Variants in NOTCH1 observed in about 807,000 individuals in gnomAD.
NOTCH1 encodes the protein notch receptor 1.
Under a neutral mutation model 254.8 loss-of-function variants are expected in NOTCH1, and 37 were observed. The ratio of observed to expected loss-of-function variants is 0.15; its 90% CI spans 0.11 to 0.19. The LOEUF is 0.19. Ranked by LOEUF, NOTCH1 falls within the 10% of genes least tolerant of loss-of-function variation. NOTCH1 has a pLI of 1.00. For missense variants in NOTCH1, 2,972 were observed against 3,708.6 expected, an observed-to-expected ratio of 0.80 and a Z score of 5.16; for synonymous variants, 1,731 against 1,618.1, an observed-to-expected ratio of 1.07 and a Z score of -1.68.
In NOTCH1 at chr9:136,496,803, G is replaced by T; in HGVS notation, c.6936C>A (p.Ser2312=). The change falls in exon 34 of 34, where the codon TCC becomes TCA. Residue 2312 remains serine (S), a synonymous_variant. Coordinates refer to ENST00000651671, the MANE Select transcript of NOTCH1 (RefSeq NM_017617.5). The part of the protein sequence containing the change: ...TSLNGQCEWL[S]RLQSGMVPNQ... ...TCGGCACCATGCCGCTCTGCAGCCG[G>T]GACAGCCACTCGCATTGACCATTCA... The T allele has an allele frequency of 6.2e-7, 1 of 1,612,926 alleles. No individual in the cohort carries two copies. The highest frequency in any genetic ancestry group is 1.1e-5 in the South Asian group (1 of 91,090).
chr9:136,513,189 G>A lies in NOTCH1; in HGVS notation c.2354-55C>T. ...TCCAGCACTCCCAGGCACCTTGGCA[G>A]GGCCCCACAACAGCAGCCCTGGGCC... On this transcript the variant is annotated intron_variant, in intron 14 of 33. Coordinates refer to ENST00000651671, the MANE Select transcript of NOTCH1 (RefSeq NM_017617.5). The surrounding 1 kb of genome is among the most constrained non-coding windows in gnomAD (Gnocchi z 4.7). The A allele has an allele frequency of 6.6e-7, 1 of 1,519,646 alleles. No individual in the cohort carries two copies. The highest frequency in any genetic ancestry group is 1.7e-5 in the Admixed American group (1 of 59,656). 94.1% of individuals were successfully genotyped at this position (1,519,646 alleles called of 1,614,324 possible).
Position 136,495,327 on chromosome 9 carries a change from A to G in NOTCH1, c.*744T>C, listed in dbSNP as rs1017946364. On this transcript the variant is annotated 3_prime_UTR_variant, in exon 34 of 34. Coordinates refer to ENST00000651671, the MANE Select transcript of NOTCH1 (RefSeq NM_017617.5). The stretch of plus-strand genomic sequence containing the variant: ...ACTTGTATAACCAACGAACAACTAC[A>G]TAATACTGAACCTGAAACAAAGATT... The G allele has an allele frequency of 2.5e-6, 1 of 398,942 alleles. No homozygotes were observed. The highest frequency in any genetic ancestry group is 4.4e-6 in the Non-Finnish European group (1 of 226,092). The allele number at this position is 398,942 out of a possible 1,614,324, so 24.7% of individuals were successfully genotyped here.
chr9:136,538,137 C>CATCA (rs1438729901), intron 2 of NOTCH1, among the ~76,000 whole-genome samples: 1 of 152,164 alleles, frequency 6.6e-6, no homozygotes, highest in Non-Finnish European at 1.5e-5. Flanking sequence ...ACCCAGAATC[C>CATCA]CTCCATATAC....
In NOTCH1 at chr9:136,508,925, C is replaced by A. The variant is rs780991695; in HGVS notation, c.3116G>T (p.Gly1039Val). The change falls in exon 19 of 34, where the codon GGC becomes GTC. Residue 1039 changes from glycine (G) to valine (V), a missense_variant. Transcript: ENST00000651671. Reference protein sequence around the residue: ...PCLHGGTCQDGCGSYRCTCPQ... With the variant: ...PCLHGGTCQDVCGSYRCTCPQ... ...GCAGGTGCACCTGTAGGAGCCGCAG[C>A]CGTCCTGACAGGTGCCGCCATGCAG... The A allele has an allele frequency of 1.3e-6, 2 of 1,549,456 alleles. No individual in the cohort carries two copies. Among genetic ancestry groups the A allele is most frequent in the South Asian group, 2.4e-5 (2 of 84,036 alleles).
At chr9:136,511,299 G>A (rs370777092) in intron 15 of NOTCH1, 28 bp from the exon 16 acceptor site, 20 of 1,595,542 alleles carry the variant, frequency 1.3e-5, no homozygotes, top group African/African-American at 8.0e-5. Flanking sequence ...ACGTGACCCC[G>A]GGAGCCTCAC....
At chr9:136,518,413 C>T in intron 6 of NOTCH1, 121 bp from the exon 7 acceptor site, 1 of 1,355,306 alleles carries the variant, frequency 7.4e-7, no homozygotes, top group Non-Finnish European at 1.0e-6. Context: ...CCCCGTCGGG[C>T]ATCCCGTGAC....
chr9:136,513,087 G>A lies in NOTCH1; in HGVS notation c.2401C>T (p.Leu801=), dbSNP rs1843208981. Residue 801 remains leucine, a synonymous_variant, in exon 15 of 34, where the codon CTG becomes TTG. Transcript: ENST00000651671. This position sits in a 1 kb window ranked among gnomAD's most constrained non-coding sequence, Gnocchi z 4.7. ...TCGTCAATACACGTGCCCTGGTTCAGACATGGGTTGGACGCACACTCGTTG... is the reference window on the plus strand; with the variant it reads ...TCGTCAATACACGTGCCCTGGTTCAAACATGGGTTGGACGCACACTCGTTG... ...NINECASNPC[L]NQGTCIDDVA... The A allele has an allele frequency of 3.1e-6, 5 of 1,611,760 alleles. No individual in the cohort carries two copies. Among genetic ancestry groups the A allele is most frequent in the Non-Finnish European group, 4.2e-6 (5 of 1,179,618 alleles).
rs1268405497 is a variant in NOTCH1, at chr9:136,496,257, C to T, written c.7482G>A (p.Val2494=). The change falls in exon 34 of 34, where the codon GTG becomes GTA. Residue 2494 remains valine (V), a synonymous_variant. Coordinates refer to ENST00000651671, the MANE Select transcript of NOTCH1 (RefSeq NM_017617.5). ...GTAGCTGGTGGCTGGGGGTGTTGTC[C>T]ACAGGCGAGGAGTAGCTGTGCTGCG... ...PPSQHSYSSP[V]DNTPSHQLQV... 4 of 1,603,684 alleles carry T rather than the reference C, an allele frequency of 2.5e-6. No homozygotes were observed. Among genetic ancestry groups the T allele is most frequent in the Admixed American group, 1.7e-5 (1 of 59,046 alleles).
chr9:136,505,213 G>GAGCA lies in NOTCH1; in HGVS notation c.4586+93_4586+96dup. ...CGCGGGGGACGTCCCTGCACCCCCTGAGCAGAGCCTTAGAACTGCATGCTG... is the reference window on the plus strand; with the variant it reads ...CGCGGGGGACGTCCCTGCACCCCCTGAGCAAGCAGAGCCTTAGAACTGCATGCTG... On this transcript the variant is annotated intron_variant, in intron 25 of 33. Coordinates refer to ENST00000651671, the MANE Select transcript of NOTCH1 (RefSeq NM_017617.5). The GAGCA allele has an allele frequency of 5.9e-6, 9 of 1,521,046 alleles. No individual in the cohort carries two copies. The South Asian group carries it at 1.1e-4, about 18-fold the overall frequency. The allele number at this position is 1,521,046 out of a possible 1,614,324, so 94.2% of individuals were successfully genotyped here.
At position 136,519,514 on chromosome 9, in the gene NOTCH1, T is replaced by C. The variant is rs767480387; in HGVS notation, c.794A>G (p.Asn265Ser). The change falls in exon 5 of 34, where the codon AAC (asparagine) becomes AGC (serine). Residue 265 changes from asparagine (N) to serine (S), a missense_variant. Physicochemically the swap from Asn to Ser is conservative, Grantham distance 46. This residue lies in a region of NOTCH1 where 374 missense variants were observed against 496.3 expected (regional missense o/e 0.75). Transcript: ENST00000651671. ...EENIDDCPGN[N>S]CKNGGACVDG... ...CACACAGGCACCCCCGTTCTTGCAG[T>C]TGTTTCCTGGACAATCGTCGATATT... 2 of 1,613,042 alleles carry C rather than the reference T, an allele frequency of 1.2e-6. No individual in the cohort carries two copies. Among genetic ancestry groups the C allele is most frequent in the Non-Finnish European group, 1.7e-6 (2 of 1,179,952 alleles).
rs773902721 is a variant in NOTCH1, at chr9:136,512,991, C to A, written c.2467+30G>T. 8.4e-6 allele frequency: 8 copies of A among 954,574 alleles called. No individual in the cohort carries two copies. The East Asian group carries it at 1.8e-4, about 22-fold the overall frequency. The allele number at this position is 954,574 out of a possible 1,614,324, so 59.1% of individuals were successfully genotyped here. A position where few individuals can be genotyped will look rare whatever the true frequency, so the allele number is the denominator to read the frequency against. ...CGCCCCTCCCACATAGGCCCCGCCC[C>A]CTCCAGCACAGGCCCCACCCACCCC... On this transcript the variant is annotated intron_variant, in intron 15 of 33. Transcript: ENST00000651671.
intron 2 of NOTCH1, among the ~76,000 whole-genome samples, chr9:136,528,531 GA>G (rs1447290549): frequency 1.5e-3 from 177 of 119,304 alleles, no homozygotes; most frequent in African/African-American, 4.9e-3. Context: ...AGGGACAGTG[GA>G]GGGACGGGCA....
chr9:136,522,038 C>G lies in NOTCH1; in HGVS notation c.742+812G>C, dbSNP rs576546203. On this transcript the variant is annotated intron_variant, in intron 4 of 33. Transcript: ENST00000651671. ...TGTCGCCCAGGCTGGAGTGCAGTGG[C>G]GGGATCTCGGCTCACTGCAACCTCC... is the stretch of plus-strand genomic sequence containing the variant. 2.0e-5 allele frequency among the ~76,000 whole-genome samples: 3 copies of G among 148,016 alleles called. No homozygotes were observed. In the South Asian group the frequency reaches 6.3e-4, roughly 31 times the overall value.
At chr9:136,542,721 A>G (rs1843749924) in intron 2 of NOTCH1, among the ~76,000 whole-genome samples, 1 of 148,244 alleles carries the variant, frequency 6.7e-6, no homozygotes, top group African/African-American at 2.5e-5. Context: ...CACAGGCAGG[A>G]GCCGGGCTGG....
Position 136,513,129 on chromosome 9 carries a change from T to C in NOTCH1, c.2359A>G (p.Asn787Asp), listed in dbSNP as rs199672693. 1.7e-5 allele frequency: 27 copies of C among 1,612,612 alleles called. No homozygotes were observed. The Admixed American group carries it at 3.2e-4, about 19-fold the overall frequency. ...CTCREGFSGP[N>D]CQTNINECAS... The stretch of plus-strand genomic sequence containing the variant: ...CACTCGTTGATGTTGGTCTGGCAGT[T>C]GGGACCTGGAGGGAAGGGGACAGCA... The change falls in exon 15 of 34, where the codon AAC becomes GAC. Residue 787 changes from asparagine to aspartate, a missense_variant. Asn to Asp is a conservative substitution (Grantham distance 23). Coordinates refer to ENST00000651671, the MANE Select transcript of NOTCH1 (RefSeq NM_017617.5). The surrounding 1 kb of genome is among the most constrained non-coding windows in gnomAD (Gnocchi z 4.7).
chr9:136,534,100 T>C (rs1040805129), intron 2 of NOTCH1, among the ~76,000 whole-genome samples: 1 of 152,198 alleles, frequency 6.6e-6, no homozygotes. Context: ...CTGAGGGCTT[T>C]TGGGATGTGG....
intron 2 of NOTCH1, among the ~76,000 whole-genome samples, chr9:136,536,037 A>AG (rs1032686232): frequency 2.0e-5 from 3 of 149,448 alleles, no homozygotes; most frequent in Admixed American, 6.7e-5. Flanking sequence ...GGTACAGGGT[A>AG]GGGGGGCGCA....
Position 136,496,439 on chromosome 9 carries a change from G to A in NOTCH1, c.7300C>T (p.Leu2434=), listed in dbSNP as rs760436768. ...TCTGCCTGGCTCGGCTCTCCACTCAGGAAGCTCCGGCCCAGGTGGCCGCTG... is the reference window on the plus strand; with the variant it reads ...TCTGCCTGGCTCGGCTCTCCACTCAAGAAGCTCCGGCCCAGGTGGCCGCTG... ...AASGHLGRSF[L]SGEPSQADVQ... Residue 2434 remains leucine (L), a synonymous_variant, in exon 34 of 34, where the codon CTG becomes TTG. Coordinates refer to ENST00000651671, the MANE Select transcript of NOTCH1 (RefSeq NM_017617.5). 1 of 1,600,080 alleles carries A rather than the reference G, an allele frequency of 6.2e-7. No homozygotes were observed. The highest frequency in any genetic ancestry group is 8.5e-7 in the Non-Finnish European group (1 of 1,179,812).
At chr9:136,511,541 C>A (rs1843182041) in intron 15 of NOTCH1, among the ~76,000 whole-genome samples, 1 of 152,202 alleles carries the variant, frequency 6.6e-6, no homozygotes, top group East Asian at 1.9e-4. Context: ...CGGGGCACAG[C>A]CTAGGCCTCA....
Sources: gnomAD v4.1 joint callset for allele counts (sites outside exome capture counted in the v4.1 genomes callset) on GRCh38, gnomAD v4.1.1 for gene constraint, gnomAD v4.1.1 regional missense constraint, Gnocchi (gnomAD v3.1) non-coding constraint, MANE v1.5 for transcripts, NCBI Gene and HGNC (gene_info 2026-07-23, HGNC 2026-07-21) for gene names.